ELAPOR1: variants seen among roughly 807,000 people sequenced by gnomAD.
ELAPOR1 encodes the protein endosome-lysosome associated apoptosis and autophagy regulator 1, also known as endosome/lysosome-associated apoptosis and autophagy regulator 1.
A neutral mutation model predicts 119.7 loss-of-function variants in ELAPOR1; 77 were observed. The ratio of observed to expected loss-of-function variants is 0.64; its 90% CI spans 0.54 to 0.78. ELAPOR1 has a LOEUF of 0.78. Among genes scored for constraint, ELAPOR1 ranks in the 30% least tolerant of loss-of-function variants. The pLI is 0.00. For missense variants in ELAPOR1, 1,115 were observed against 1,270.4 expected (o/e 0.88, Z 1.86); for synonymous variants, 481 against 487.2 (o/e 0.99, Z 0.17).
At chr1:109,172,664 A>C (rs533038835) in intron 5 of ELAPOR1, 96 bp downstream of exon 5, 4 of 851,014 alleles carry the variant, frequency 4.7e-6, no homozygotes, top group South Asian at 2.8e-5. Flanking sequence ...CCTCCACCCC[A>C]ATGTCCCTGG....
chr1:109,165,279 C>A (rs953316356), intron 3 of ELAPOR1, among the ~76,000 whole-genome samples: 1 of 152,016 alleles, frequency 6.6e-6, no homozygotes, highest in Non-Finnish European at 1.5e-5. Flanking sequence ...CAGAGCAAGA[C>A]CCTGTCTCAT....
At chr1:109,124,485 C>A (rs547222337) in intron 1 of ELAPOR1, among the ~76,000 whole-genome samples, 1 of 152,300 alleles carries the variant, frequency 6.6e-6, no homozygotes, top group East Asian at 1.9e-4. Flanking sequence ...CAACCAATTT[C>A]TATTAGAATG....
chr1:109,186,733 C>T, intron 8 of ELAPOR1: 1 of 985,602 alleles, frequency 1.0e-6, no homozygotes, highest in Non-Finnish European at 1.2e-6. Context: ...TCTTCTCCCT[C>T]CTGTTCATAA....
At chr1:109,179,709 C>A (rs1414437245) in intron 7 of ELAPOR1, among the ~76,000 whole-genome samples, 4 of 151,744 alleles carry the variant, frequency 2.6e-5, no homozygotes, top group African/African-American at 9.7e-5. Flanking sequence ...AGTTGGAGAC[C>A]AGCCTGACCA....
At chr1:109,187,600 G>T (rs757573646) in intron 8 of ELAPOR1, 18 of 1,002,288 alleles carry the variant, frequency 1.8e-5, no homozygotes, top group Non-Finnish European at 2.2e-5. Flanking sequence ...CTCAGCCGGG[G>T]TCTCCTGCGG....
intron 1 of ELAPOR1, among the ~76,000 whole-genome samples, chr1:109,125,553 C>T (rs774530298): frequency 1.7e-4 from 25 of 151,424 alleles, no homozygotes; most frequent in Non-Finnish European, 2.9e-4. Flanking sequence ...CCACCAGGCC[C>T]GGTTGTATTT....
At chr1:109,144,112 T>A (rs1228753448) in intron 1 of ELAPOR1, among the ~76,000 whole-genome samples, 1 of 137,490 alleles carries the variant, frequency 7.3e-6, no homozygotes, top group Admixed American at 8.0e-5. Flanking sequence ...CAGGCTGGAG[T>A]GCAATAGCAC....
At chr1:109,124,692 C>A (rs6686909) in intron 1 of ELAPOR1, among the ~76,000 whole-genome samples, 2,657 of 152,206 alleles carry the variant, frequency 0.017, 87 homozygotes, top group African/African-American at 0.06. Context: ...CCTTGCACAC[C>A]GTCACCTTTT....
chr1:109,173,690 GT>G lies in ELAPOR1; in HGVS notation c.806del (p.Val269GlyfsTer100), dbSNP rs772876452. ...TCTGTGCTCTTCCTCCTCCCTAGGG[GT>G]GGCCTACACTTCAGAATGCTTCCCC... The part of the protein sequence containing the change: ...VLVRNIAITG[V>X]AYTSECFPCK... On this transcript the variant is annotated frameshift_variant, in exon 7 of 22. Transcript: ENST00000369939. LOFTEE classifies it high-confidence loss of function. The G allele has an allele frequency of 6.2e-7, 1 of 1,614,060 alleles. No individual in the cohort carries two copies. Among genetic ancestry groups the G allele is most frequent in the Non-Finnish European group, 8.5e-7 (1 of 1,179,984 alleles).
chr1:109,150,592 C>T (rs189596473), intron 1 of ELAPOR1, among the ~76,000 whole-genome samples: 45 of 152,322 alleles, frequency 3.0e-4, no homozygotes, highest in Non-Finnish European at 5.7e-4. Context: ...TCGGTGTCTG[C>T]AGTTTTACCT....
At chr1:109,185,238 G>A in intron 8 of ELAPOR1, 105 bp downstream of exon 8, 2 of 880,478 alleles carry the variant, frequency 2.3e-6, no homozygotes, top group South Asian at 2.8e-5. Context: ...ATTGGCACTA[G>A]TTAAAACCCC....
intron 2 of ELAPOR1, among the ~76,000 whole-genome samples, chr1:109,162,501 C>G (rs1394322204): frequency 6.6e-6 from 1 of 152,138 alleles, no homozygotes; most frequent in Admixed American, 6.6e-5. Context: ...GACTGTGGGT[C>G]TGATTGTGCA....
chr1:109,202,931 A>G lies in ELAPOR1; in HGVS notation c.2974-13A>G, dbSNP rs781187493. ...TGTGCAGCAGCCAGCTCCTGTCACCATCTCTCTTTCAGAGGACTCCTGATG... is the reference window on the plus strand; with the variant it reads ...TGTGCAGCAGCCAGCTCCTGTCACCGTCTCTCTTTCAGAGGACTCCTGATG... On this transcript the variant is annotated splice_polypyrimidine_tract_variant and intron_variant, in intron 21 of 21. Coordinates refer to ENST00000369939, the MANE Select transcript of ELAPOR1 (RefSeq NM_020775.5). 5.6e-6 allele frequency: 9 copies of G among 1,614,010 alleles called. No homozygotes were observed. Among genetic ancestry groups the G allele is most frequent in the South Asian group, 5.5e-5 (5 of 91,044 alleles).
At chr1:109,193,004 A>T in intron 14 of ELAPOR1, 130 bp downstream of exon 14, 2 of 1,014,770 alleles carry the variant, frequency 2.0e-6, no homozygotes, top group Non-Finnish European at 2.9e-6. Context: ...CCTAGGTTGG[A>T]GTCCTGGAGG....
At chr1:109,195,439 A>C (rs939470705) in intron 15 of ELAPOR1, among the ~76,000 whole-genome samples, 8 of 151,870 alleles carry the variant, frequency 5.3e-5, no homozygotes, top group Non-Finnish European at 1.2e-4. Flanking sequence ...GCTTGCAGTG[A>C]GCGGAGATCA....
Position 109,173,639 on chromosome 1 carries a change from C to T in ELAPOR1, c.803-49C>T, listed in dbSNP as rs368254026. 1.5e-5 allele frequency: 24 copies of T among 1,611,856 alleles called. No individual in the cohort carries two copies. In the Middle Eastern group the frequency reaches 4.9e-4, roughly 33 times the overall value. On this transcript the variant is annotated intron_variant, in intron 6 of 21. Coordinates refer to ENST00000369939, the MANE Select transcript of ELAPOR1 (RefSeq NM_020775.5). ...TTGACTTTGCAGTCTCCTGGGGACT[C>T]AGTCTCCAGGCTGAATCCTTGCTTT...
rs182879155 is a variant in ELAPOR1, at chr1:109,203,737, G to T, written c.*725G>T. ...TAAAAATACAAAAAATTAGCCGGGC[G>T]TGGTGGCGGGTGCCTGTAGTCCCAG... On this transcript the variant is annotated 3_prime_UTR_variant, in exon 22 of 22. Coordinates refer to ENST00000369939, the MANE Select transcript of ELAPOR1 (RefSeq NM_020775.5). The T allele has an allele frequency of 3.3e-5, 5 of 152,072 alleles. No homozygotes were observed. Among genetic ancestry groups the T allele is most frequent in the Non-Finnish European group, 7.3e-5 (5 of 68,032 alleles). 9.4% of individuals were successfully genotyped at this position (152,072 alleles called of 1,614,324 possible). A position where few individuals can be genotyped will look rare whatever the true frequency, so the allele number is the denominator to read the frequency against.
At chr1:109,198,179 CAT>C in intron 17 of ELAPOR1, 104 bp downstream of exon 17, 1 of 895,760 alleles carries the variant, frequency 1.1e-6, no homozygotes, top group Non-Finnish European at 1.8e-6. Context: ...CAAGCCAGAA[CAT>C]GTCTGAGGTC....
intron 17 of ELAPOR1, 21 bp downstream of exon 17, chr1:109,198,096 T>C (rs1340974946): frequency 2.5e-6 from 4 of 1,582,434 alleles, no homozygotes; most frequent in Non-Finnish European, 3.5e-6. Context: ...GAGGCTAGGC[T>C]AATGCAAGTG....
Sources: allele counts gnomAD v4.1 joint callset (sites outside exome capture counted in the v4.1 genomes callset), GRCh38; gene constraint gnomAD v4.1.1; transcripts MANE v1.5; gene names NCBI Gene and HGNC (gene_info 2026-07-23, HGNC 2026-07-21).